Variants in EBF1 observed in about 807,000 individuals in gnomAD.
The protein encoded by EBF1 is transcription factor COE1.
Under a neutral mutation model 68.4 loss-of-function variants are expected in EBF1, and 10 were observed. The observed-to-expected ratio is 0.15, with a 90% CI of 0.09 to 0.25. The LOEUF is 0.25. Among genes scored for constraint, EBF1 ranks in the 10% least tolerant of loss-of-function variants. The pLI, the probability that EBF1 is intolerant of heterozygous loss-of-function variation, is 1.00. For missense variants in EBF1, 509 were observed against 794.4 expected, an observed-to-expected ratio of 0.64 and a Z score of 4.32; for synonymous variants, 298 against 299.8, an observed-to-expected ratio of 0.99 and a Z score of 0.06.
At chr5:159,065,830 A>G (rs1370780789) in intron 6 of EBF1, among the ~76,000 whole-genome samples, 3 of 152,190 alleles carry the variant, frequency 2.0e-5, no homozygotes, top group Non-Finnish European at 4.4e-5. Context: ...CAATAAAAGA[A>G]CAAGTGAGTG....
intron 6 of EBF1, among the ~76,000 whole-genome samples, chr5:159,024,853 C>A (rs1024831964): frequency 3.9e-5 from 6 of 152,150 alleles, no homozygotes; most frequent in Non-Finnish European, 8.8e-5. Flanking sequence ...AAGTGAGGTC[C>A]ACAAGTCAGC....
At position 158,726,862 on chromosome 5, in the gene EBF1, GTC is replaced by G. The variant is rs1393236192; in HGVS notation, c.1125+4205_1125+4206del. Among the ~76,000 whole-genome samples, 4 of 152,240 alleles carry G rather than the reference GTC, an allele frequency of 2.6e-5. No individual in the cohort carries two copies. The East Asian group carries it at 7.7e-4, about 29-fold the overall frequency. On this transcript the variant is annotated intron_variant, in intron 11 of 15. Transcript: ENST00000313708. ...AGTTTTCCCGCGTGCTAGCTGTGAT[GTC>G]GTAGCAAGTCACTCAGATCTCTGGG...
chr5:158,978,407 C>T (rs907837282), intron 6 of EBF1, among the ~76,000 whole-genome samples: 1 of 152,190 alleles, frequency 6.6e-6, no homozygotes, highest in African/African-American at 2.4e-5. Context: ...TCCCCCTTCC[C>T]TTATTTATTT....
chr5:158,833,308 A>G (rs1424233974), intron 7 of EBF1, among the ~76,000 whole-genome samples: 1 of 152,090 alleles, frequency 6.6e-6, no homozygotes, highest in East Asian at 1.9e-4. Context: ...AAAAAAAAAA[A>G]AAAAGAAAAA....
Position 158,731,054 on chromosome 5 carries a change from A to T in EBF1, c.1125+15T>A. On this transcript the variant is annotated intron_variant, in intron 11 of 15. Transcript: ENST00000313708. Reference sequence around the variant, plus strand: ...GTCCAAATTTTCAGGAATTACAAAAAGGCAGTATCCTCACCTTTGGCAAAC... The same window carrying T: ...GTCCAAATTTTCAGGAATTACAAAATGGCAGTATCCTCACCTTTGGCAAAC... 3 of 1,607,540 alleles carry T rather than the reference A, an allele frequency of 1.9e-6. No homozygotes were observed. The highest frequency in any genetic ancestry group is 2.5e-6 in the Non-Finnish European group (3 of 1,176,664).
intron 6 of EBF1, among the ~76,000 whole-genome samples, chr5:158,864,024 G>A (rs1795422499): frequency 1.3e-5 from 2 of 151,766 alleles, no homozygotes; most frequent in African/African-American, 2.4e-5. Flanking sequence ...CTGAGGTCAG[G>A]AGTTTGAGAC....
At chr5:159,042,774 T>C (rs1444512857) in intron 6 of EBF1, among the ~76,000 whole-genome samples, 1 of 152,136 alleles carries the variant, frequency 6.6e-6, no homozygotes, top group African/African-American at 2.4e-5. Flanking sequence ...GTCTAAGTTG[T>C]TAAGTTCTGT....
chr5:159,099,668 C>G lies in EBF1; in HGVS notation c.-190G>C, dbSNP rs1318224175. On this transcript the variant is annotated 5_prime_UTR_variant, in exon 1 of 16. Coordinates refer to ENST00000313708, the MANE Select transcript of EBF1 (RefSeq NM_024007.5). ...AAGCAAATTTTTAAAAAATGTAAACCTCTGCTCAAAACTGAGCGATAACCC... is the reference window on the plus strand; with the variant it reads ...AAGCAAATTTTTAAAAAATGTAAACGTCTGCTCAAAACTGAGCGATAACCC... 3 of 640,180 alleles carry G rather than the reference C, an allele frequency of 4.7e-6. No homozygotes were observed. Among genetic ancestry groups the G allele is most frequent in the Non-Finnish European group, 7.1e-6 (3 of 425,330 alleles). The allele number at this position is 640,180 out of a possible 1,614,324, so 39.7% of individuals were successfully genotyped here. A position where few individuals can be genotyped will look rare whatever the true frequency, so the allele number is the denominator to read the frequency against.
intron 15 of EBF1, among the ~76,000 whole-genome samples, chr5:158,700,099 C>CTGAT (rs768307475): frequency 2.0e-5 from 3 of 152,164 alleles, no homozygotes; most frequent in Non-Finnish European, 4.4e-5. Context: ...TAGTGAGGAC[C>CTGAT]TGATAGACGT....
intron 9 of EBF1, among the ~76,000 whole-genome samples, chr5:158,777,792 G>A (rs752518903): frequency 2.0e-5 from 3 of 152,100 alleles, no homozygotes; most frequent in Non-Finnish European, 4.4e-5. Flanking sequence ...AGGGAACCTG[G>A]CCTAATGAAA....
At chr5:158,979,308 A>G (rs1205667682) in intron 6 of EBF1, among the ~76,000 whole-genome samples, 1 of 152,244 alleles carries the variant, frequency 6.6e-6, no homozygotes, top group Non-Finnish European at 1.5e-5. Flanking sequence ...TAAATATCAT[A>G]CATTAAAAAT....
At chr5:159,047,207 T>C (rs1161596734) in intron 6 of EBF1, among the ~76,000 whole-genome samples, 2 of 152,158 alleles carry the variant, frequency 1.3e-5, no homozygotes, top group Non-Finnish European at 2.9e-5. Context: ...GGGGCTAGAA[T>C]CTGACGGATG....
chr5:158,816,764 A>G (rs559868015), intron 8 of EBF1, among the ~76,000 whole-genome samples: 3 of 152,330 alleles, frequency 2.0e-5, no homozygotes, highest in African/African-American at 7.2e-5. Flanking sequence ...CCACTTACGA[A>G]AAACTAAATC....
At chr5:158,725,991 A>C (rs925235157) in intron 11 of EBF1, among the ~76,000 whole-genome samples, 3 of 152,218 alleles carry the variant, frequency 2.0e-5, no homozygotes, top group African/African-American at 7.2e-5. Context: ...AACAGTACTA[A>C]GTTTTTAGAC....
chr5:158,822,344 G>A (rs1190139888), intron 8 of EBF1, among the ~76,000 whole-genome samples: 2 of 151,818 alleles, frequency 1.3e-5, no homozygotes, highest in Admixed American at 6.6e-5. Flanking sequence ...ATAGATGAAC[G>A]GATGGATGGA....
intron 6 of EBF1, among the ~76,000 whole-genome samples, chr5:158,918,243 T>C (rs1006595338): frequency 2.6e-5 from 4 of 152,228 alleles, no homozygotes; most frequent in Non-Finnish European, 4.4e-5. Context: ...ACCTTGCTTA[T>C]GGTGAAGGAA....
intron 6 of EBF1, among the ~76,000 whole-genome samples, chr5:158,967,733 G>C (rs980499478): frequency 1.2e-4 from 18 of 152,150 alleles, no homozygotes; most frequent in Non-Finnish European, 5.9e-5. Context: ...TATCACTTTG[G>C]AAGTTTCTTT....
At chr5:158,822,267 C>T (rs9313792) in intron 8 of EBF1, among the ~76,000 whole-genome samples, 13,793 of 56,670 alleles carry the variant, frequency 0.24, 864 homozygotes, top group African/African-American at 0.33. Flanking sequence ...GACGGATGGA[C>T]GGATGGATGG....
At chr5:159,088,389 T>A (rs1781084445) in intron 4 of EBF1, among the ~76,000 whole-genome samples, 1 of 152,154 alleles carries the variant, frequency 6.6e-6, no homozygotes, top group Non-Finnish European at 1.5e-5. Context: ...ACATTTAGCA[T>A]ACACATCAAC....
Sources: allele counts gnomAD v4.1 joint callset (sites outside exome capture counted in the v4.1 genomes callset), GRCh38; gene constraint gnomAD v4.1.1; transcripts MANE v1.5; gene names NCBI Gene and HGNC (gene_info 2026-07-23, HGNC 2026-07-21).